The following PHF24 variants were observed in gnomAD, a reference collection of about 807,000 sequenced individuals.
PHF24 encodes the protein Galpha inhibitory interacting protein.
A neutral mutation model predicts 42.6 loss-of-function variants in PHF24; 25 were observed. The ratio of observed to expected loss-of-function variants is 0.59; its 90% CI spans 0.43 to 0.82. The LOEUF (loss-of-function observed/expected upper bound fraction) is 0.82, where lower values mean the gene tolerates loss of function less well. Among genes scored for constraint, PHF24 ranks in the 40% least tolerant of loss-of-function variants. PHF24 has a pLI of 0.00. For missense variants in PHF24, 470 were observed against 538.1 expected (o/e 0.87, Z 1.25); for synonymous variants, 185 against 204.8 (o/e 0.90, Z 0.83).
the PHF24 span, among the ~76,000 whole-genome samples, chr9:34,933,808 C>T: frequency 6.6e-6 from 1 of 151,314 alleles, no homozygotes; most frequent in African/African-American, 2.4e-5. Flanking sequence ...GAGTCTCGCT[C>T]TGTCACCCAG....
At chr9:34,938,716 A>G in the PHF24 span, among the ~76,000 whole-genome samples, 2 of 151,592 alleles carry the variant, frequency 1.3e-5, no homozygotes, top group African/African-American at 4.9e-5. Context: ...GATCACGAGG[A>G]CAGGAGATCA....
the PHF24 span, among the ~76,000 whole-genome samples, chr9:34,919,650 G>A: frequency 1.6e-5 from 2 of 126,180 alleles, no homozygotes; most frequent in Non-Finnish European, 3.4e-5. Flanking sequence ...CAAATACTAG[G>A]TCTTATTCAT....
At chr9:34,723,286 G>A in the PHF24 span, 7 of 1,551,772 alleles carry the variant, frequency 4.5e-6, no homozygotes, top group East Asian at 2.4e-5. Context: ...AGTGACGAGG[G>A]CAGTGGCGGG....
chr9:34,788,085 T>G, the PHF24 span, among the ~76,000 whole-genome samples: 1 of 152,204 alleles, frequency 6.6e-6, no homozygotes, highest in East Asian at 1.9e-4. Context: ...TTGCCCAGGC[T>G]GGAGTGCAGT....
the PHF24 span, among the ~76,000 whole-genome samples, chr9:34,903,823 C>G: frequency 1.3e-5 from 2 of 152,158 alleles, no homozygotes; most frequent in African/African-American, 4.8e-5. Flanking sequence ...TGATGTGTTT[C>G]CATTTGTTTG....
the PHF24 span, chr9:34,709,744 C>T: frequency 1.2e-6 from 2 of 1,613,624 alleles, no homozygotes; most frequent in Middle Eastern, 1.6e-4. Flanking sequence ...CACCCCGTCA[C>T]CAGCCAGTAC....
the PHF24 span, among the ~76,000 whole-genome samples, chr9:34,933,876 C>G: frequency 6.6e-6 from 1 of 151,668 alleles, no homozygotes; most frequent in African/African-American, 2.4e-5. Context: ...CAGGTTCAAG[C>G]TGGGATCACA....
chr9:34,847,091 T>C, the PHF24 span, among the ~76,000 whole-genome samples: 1 of 152,190 alleles, frequency 6.6e-6, no homozygotes, highest in African/African-American at 2.4e-5. Context: ...GGGCTCTTTT[T>C]TGGTTCCATA....
At chr9:34,751,735 T>C in the PHF24 span, among the ~76,000 whole-genome samples, 1 of 152,206 alleles carries the variant, frequency 6.6e-6, no homozygotes, top group African/African-American at 2.4e-5. Flanking sequence ...TTTTACCCAC[T>C]GGCTGCAGAA....
the PHF24 span, among the ~76,000 whole-genome samples, chr9:34,847,828 CA>C: frequency 6.6e-6 from 1 of 152,048 alleles, no homozygotes; most frequent in African/African-American, 2.4e-5. Flanking sequence ...TGAATTTTGT[CA>C]AAGACCTTTT....
the PHF24 span, among the ~76,000 whole-genome samples, chr9:34,712,875 C>T: frequency 6.6e-6 from 1 of 152,260 alleles, no homozygotes; most frequent in African/African-American, 2.4e-5. Context: ...TGAGCATTTA[C>T]AGTAAGACAG....
the PHF24 span, among the ~76,000 whole-genome samples, chr9:34,788,724 G>A: frequency 2.0e-5 from 3 of 152,142 alleles, no homozygotes; most frequent in Non-Finnish European, 4.4e-5. Flanking sequence ...GAGCAGGAGG[G>A]TGAGCCCCTG....
intron 1 of PHF24, among the ~76,000 whole-genome samples, chr9:34,966,589 C>CG (rs397742299): frequency 5.3e-5 from 8 of 151,928 alleles, no homozygotes; most frequent in Non-Finnish European, 7.4e-5. Flanking sequence ...GACCCCCCCC[C>CG]TCGCCCCATC....
chr9:34,764,418 T>C, the PHF24 span, among the ~76,000 whole-genome samples: 44 of 152,414 alleles, frequency 2.9e-4, no homozygotes, highest in African/African-American at 7.9e-4. Flanking sequence ...CTTCCTAGTT[T>C]AGCCTTGGGA....
At chr9:34,934,833 C>T in the PHF24 span, among the ~76,000 whole-genome samples, 2 of 152,212 alleles carry the variant, frequency 1.3e-5, no homozygotes, top group African/African-American at 4.8e-5. Context: ...GCAGTCATGA[C>T]AATGATCAAT....
intron 2 of PHF24, 114 bp from the exon 3 acceptor site, chr9:34,972,232 T>C: frequency 1.1e-6 from 1 of 943,806 alleles, no homozygotes; most frequent in Non-Finnish European, 1.6e-6. Context: ...GGGCTGTTCC[T>C]CTAGGCTAAT....
At chr9:34,809,065 T>C in the PHF24 span, among the ~76,000 whole-genome samples, 1 of 150,852 alleles carries the variant, frequency 6.6e-6, no homozygotes, top group East Asian at 1.9e-4. This position sits in a 1 kb window ranked among gnomAD's most constrained non-coding sequence, Gnocchi z 4.1. Flanking sequence ...AATAAATAAA[T>C]AAATTTTAAA....
the PHF24 span, among the ~76,000 whole-genome samples, chr9:34,712,548 C>T: frequency 6.6e-6 from 1 of 151,900 alleles, no homozygotes; most frequent in Non-Finnish European, 1.5e-5. Context: ...GTTGATTGCC[C>T]CTAGTGAATT....
the PHF24 span, among the ~76,000 whole-genome samples, chr9:34,706,069 C>G: frequency 4.0e-3 from 601 of 152,152 alleles, 4 homozygotes; most frequent in African/African-American, 0.014. Context: ...GCATTAGAAC[C>G]TTTAAGAAAA....
Sources: allele counts gnomAD v4.1 joint callset (sites outside exome capture counted in the v4.1 genomes callset), GRCh38; gene constraint gnomAD v4.1.1; non-coding constraint Gnocchi (gnomAD v3.1); transcripts MANE v1.5; gene names NCBI Gene and HGNC (gene_info 2026-07-23, HGNC 2026-07-21).